Variants in HNRNPL observed in about 807,000 individuals in gnomAD.
HNRNPL encodes heterogeneous nuclear ribonucleoprotein L.
Under a neutral mutation model 64.0 loss-of-function variants are expected in HNRNPL, and 12 were observed. The observed-to-expected ratio is 0.19, with a 90% confidence interval of 0.12 to 0.30. The LOEUF is 0.30. Ranked by LOEUF, HNRNPL falls within the 10% of genes least tolerant of loss-of-function variation. HNRNPL has a pLI of 1.00. For missense variants in HNRNPL, 484 were observed against 797.4 expected (o/e 0.61, Z 4.73); for synonymous variants, 385 against 313.0 (o/e 1.23, Z -2.43).
chr19:38,850,222 A>C (rs971711470), upstream of HNRNPL: 13 of 398,964 alleles, frequency 3.3e-5, no homozygotes, highest in African/African-American at 2.5e-4. Context: ...AATAAAATCC[A>C]ATTTGATAGG....
chr19:38,848,789 C>T (rs966530544), intron 1 of HNRNPL, among the ~76,000 whole-genome samples: 2 of 152,194 alleles, frequency 1.3e-5, no homozygotes, highest in Non-Finnish European at 2.9e-5. Flanking sequence ...CAGTATCTCC[C>T]CCAACCTCAG....
Position 38,849,713 on chromosome 19 carries a change from C to T in HNRNPL, c.254G>A (p.Gly85Asp). The change falls in exon 1 of 13, where the codon GGC becomes GAC. Residue 85 changes from glycine (G) to aspartate (D), a missense_variant. Gly to Asp is a moderately conservative substitution (Grantham distance 94). Around this residue, in one of 9 missense-constraint regions of HNRNPL, gnomAD observed 190 missense variants for 160.1 expected, o/e 1.19. Coordinates refer to ENST00000221419, the MANE Select transcript of HNRNPL (RefSeq NM_001533.3). ...GGGGGAGAAG[G>D]GGGGENYDDP... ...CCCTGGCCTCACCCCACCGCCGCCG[C>T]CGCCCGCCGCCCCGGCTCCTCCACC... 1 of 1,365,250 alleles carries T rather than the reference C, an allele frequency of 7.3e-7. No individual in the cohort carries two copies. The highest frequency in any genetic ancestry group is 9.4e-7 in the Non-Finnish European group (1 of 1,068,222). The allele number at this position is 1,365,250 out of a possible 1,614,324, so 84.6% of individuals were successfully genotyped here.
chr19:38,838,908 C>T lies in HNRNPL; in HGVS notation c.1341G>A (p.Gln447=). 1 of 1,614,218 alleles carries T rather than the reference C, an allele frequency of 6.2e-7. No individual in the cohort carries two copies. Among genetic ancestry groups the T allele is most frequent in the Non-Finnish European group, 8.5e-7 (1 of 1,180,046 alleles). Residue 447 remains glutamine, a synonymous_variant, in exon 9 of 13, where the codon CAG becomes CAA. Coordinates refer to ENST00000221419, the MANE Select transcript of HNRNPL (RefSeq NM_001533.3). The part of the protein sequence containing the change: ...THLNNNFMFG[Q]KLNVCVSKQP... ...TGAGCACCTACCAGACATTCAGCTT[C>T]TGCCCAAACATGAAGTTGTTGTTGA...
At chr19:38,840,980 A>C (rs1412080780) in intron 6 of HNRNPL, 3 of 199,756 alleles carry the variant, frequency 1.5e-5, no homozygotes, top group Non-Finnish European at 3.0e-5. Context: ...CCCAGAGGGA[A>C]GCAAGCAAGT....
intron 6 of HNRNPL, 100 bp downstream of exon 6, chr19:38,843,742 C>T: frequency 2.0e-6 from 2 of 981,888 alleles, no homozygotes; most frequent in South Asian, 1.4e-5. Context: ...CCATGGGGGG[C>T]CCAATGGCAT....
At chr19:38,845,481 C>T in intron 4 of HNRNPL, 169 bp downstream of exon 4, 1 of 637,970 alleles carries the variant, frequency 1.6e-6, no homozygotes, top group Non-Finnish European at 2.8e-6. Context: ...ACACGATATG[C>T]CTGGTCCTTT....
rs777315548 is a variant in HNRNPL, at chr19:38,838,355, G to A, written c.1557+42C>T. On this transcript the variant is annotated intron_variant, in intron 10 of 12. Coordinates refer to ENST00000221419, the MANE Select transcript of HNRNPL (RefSeq NM_001533.3). The stretch of plus-strand genomic sequence containing the variant: ...AAATGAATGGCCTACTCAGACGGCC[G>A]TGGCAAGGACCCGACTGCCTGCGCA... The A allele has an allele frequency of 1.6e-5, 25 of 1,541,002 alleles. No individual in the cohort carries two copies. The East Asian group carries it at 2.3e-4, about 14-fold the overall frequency.
intron 2 of HNRNPL, 120 bp from the exon 3 acceptor site, chr19:38,846,210 T>G (rs1338900716): frequency 1.3e-6 from 1 of 787,110 alleles, no homozygotes; most frequent in Non-Finnish European, 2.2e-6. Context: ...AACCCTATCA[T>G]GGTTCCCCGA....
At chr19:38,841,580 T>C in intron 6 of HNRNPL, 3 of 986,568 alleles carry the variant, frequency 3.0e-6, no homozygotes, top group South Asian at 2.7e-5. Context: ...AATGTCCATT[T>C]GTCACAAAAA....
In HNRNPL at chr19:38,840,391, GGAAA is replaced by G. The variant is rs760787195; in HGVS notation, c.953-19_953-16del. 1 of 1,561,086 alleles carries G rather than the reference GGAAA, an allele frequency of 6.4e-7. No individual in the cohort carries two copies. On this transcript the variant is annotated splice_polypyrimidine_tract_variant and intron_variant, in intron 7 of 12. Coordinates refer to ENST00000221419, the MANE Select transcript of HNRNPL (RefSeq NM_001533.3). ...GTGGGGCCCTCCTGGGGGGTGGGAA[GGAAA>G]GAGAGGGAGGACGGGTGAGAATTTG... is the stretch of plus-strand genomic sequence containing the variant.
chr19:38,848,634 G>C (rs1972386688), intron 1 of HNRNPL, among the ~76,000 whole-genome samples: 1 of 152,152 alleles, frequency 6.6e-6, no homozygotes, highest in Non-Finnish European at 1.5e-5. Flanking sequence ...CGAACCACAG[G>C]GTGAGGCACT....
chr19:38,841,371 CTT>C, intron 6 of HNRNPL: 1 of 352,516 alleles, frequency 2.8e-6, no homozygotes, highest in Non-Finnish European at 5.6e-6. Context: ...GAGTTGTTAA[CTT>C]TTAACTGAGC....
chr19:38,847,098 GAAAC>G lies in HNRNPL; in HGVS notation c.386+214_386+217del, dbSNP rs1972324841. On this transcript the variant is annotated intron_variant, in intron 2 of 12. Transcript: ENST00000221419. ...TGTCTGAAAAAGAGAACACTGACTA[GAAAC>G]TACAAGGCAGAGGAAAAACGAAGGA... Among the ~76,000 whole-genome samples the G allele has an allele frequency of 3.9e-5, 6 of 152,054 alleles. No homozygotes were observed. The South Asian group carries it at 1.2e-3, about 32-fold the overall frequency.
intron 11 of HNRNPL, 31 bp downstream of exon 11, chr19:38,837,563 T>C: frequency 6.2e-7 from 1 of 1,612,270 alleles, no homozygotes; most frequent in Non-Finnish European, 8.5e-7. Flanking sequence ...ACCATGCAAT[T>C]AGGGCAAGGA....
chr19:38,842,437 A>C (rs1317070654), intron 6 of HNRNPL: 1 of 152,046 alleles, frequency 6.6e-6, no homozygotes, highest in Non-Finnish European at 1.5e-5. Flanking sequence ...TTTAATGTTT[A>C]ATAAAAAAAG....
chr19:38,849,594 G>A (rs1568376393), intron 1 of HNRNPL, 106 bp downstream of exon 1: 6 of 1,270,632 alleles, frequency 4.7e-6, no homozygotes, highest in East Asian at 3.1e-5. Context: ...CGACGCGATG[G>A]CCTGGGCGCG....
chr19:38,841,425 T>C lies in HNRNPL; in HGVS notation c.881-866A>G, dbSNP rs548700993. ...GGCCCAAAGTCACAAAGCAAGACAG[T>C]GGCTGAGCCATATTTGAACCCAGGT... On this transcript the variant is annotated intron_variant, in intron 6 of 12. Coordinates refer to ENST00000221419, the MANE Select transcript of HNRNPL (RefSeq NM_001533.3). The C allele has an allele frequency of 3.4e-4, 125 of 368,002 alleles. 1 individual carries two copies. The highest frequency in any genetic ancestry group is 2.4e-3 in the African/African-American group (113 of 47,230). 22.8% of individuals were successfully genotyped at this position (368,002 alleles called of 1,614,324 possible). A position where few individuals can be genotyped will look rare whatever the true frequency, so the allele number is the denominator to read the frequency against.
At position 38,843,900 on chromosome 19, in the gene HNRNPL, A is replaced by G. The variant is rs1206093843; in HGVS notation, c.822T>C (p.Asn274=). The G allele has an allele frequency of 6.2e-7, 1 of 1,614,082 alleles. No homozygotes were observed. The highest frequency in any genetic ancestry group is 8.5e-7 in the Non-Finnish European group (1 of 1,179,912). The change falls in exon 6 of 13, where the codon AAT becomes AAC. Residue 274 remains asparagine, a synonymous_variant. Coordinates refer to ENST00000221419, the MANE Select transcript of HNRNPL (RefSeq NM_001533.3). The part of the protein sequence containing the change: ...KIEYAKPTRL[N]VFKNDQDTWD... ...AAGTATCCTGATCATTCTTGAACAC[A>G]TTCAAGCGTGTAGGCTGCAAGGACA...
intron 8 of HNRNPL, chr19:38,839,288 CAGCCATTT>C: frequency 4.7e-6 from 2 of 427,376 alleles, no homozygotes; most frequent in East Asian, 4.6e-5. Context: ...GAAATCAAAT[CAGCCATTT>C]TCACCATTTT....
Sources: allele counts gnomAD v4.1 joint callset (sites outside exome capture counted in the v4.1 genomes callset), GRCh38; gene constraint gnomAD v4.1.1; regional missense constraint gnomAD v4.1.1; transcripts MANE v1.5; gene names NCBI Gene and HGNC (gene_info 2026-07-23, HGNC 2026-07-21).